Variants in RORA observed in about 807,000 individuals in gnomAD.
RORA encodes the protein nuclear receptor ROR-alpha.
In RORA, 7 loss-of-function variants were observed where a neutral mutation model predicts 69.5. The ratio of observed to expected loss-of-function variants is 0.10; its 90% confidence interval spans 0.06 to 0.19. The LOEUF (loss-of-function observed/expected upper bound fraction) is 0.19, where lower values mean the gene tolerates loss of function less well. RORA is among the 10% of genes least tolerant of loss of function. RORA has a pLI of 1.00. For missense variants in RORA, 457 were observed against 663.0 expected (o/e 0.69, Z 3.41); for synonymous variants, 261 against 240.8 (o/e 1.08, Z -0.78).
intron 1 of RORA, among the ~76,000 whole-genome samples, chr15:60,815,767 C>T (rs2072801267): frequency 6.6e-6 from 1 of 151,506 alleles, no homozygotes; most frequent in Non-Finnish European, 1.5e-5. Flanking sequence ...ATGCCCCCTC[C>T]CTTGCACTCT....
chr15:61,102,973 C>T (rs971353205), intron 1 of RORA, among the ~76,000 whole-genome samples: 2 of 152,180 alleles, frequency 1.3e-5, no homozygotes, highest in Non-Finnish European at 2.9e-5. Flanking sequence ...TTTGAATGCC[C>T]AGTGAGGTTA....
intron 1 of RORA, among the ~76,000 whole-genome samples, chr15:61,030,640 T>C (rs1033731516): frequency 4.6e-5 from 7 of 152,130 alleles, no homozygotes; most frequent in Non-Finnish European, 1.0e-4. Flanking sequence ...AATTAGAAGA[T>C]TGCCAAGCAT....
At chr15:61,059,343 T>C (rs1275396333) in intron 1 of RORA, among the ~76,000 whole-genome samples, 1 of 152,238 alleles carries the variant, frequency 6.6e-6, no homozygotes, top group African/African-American at 2.4e-5. Flanking sequence ...GGGCCATGTG[T>C]AGATGATCTC....
intron 1 of RORA, among the ~76,000 whole-genome samples, chr15:60,770,027 A>T (rs1271622071): frequency 6.6e-6 from 1 of 152,192 alleles, no homozygotes; most frequent in Non-Finnish European, 1.5e-5. Context: ...TGCAGCCAAG[A>T]TGCTGACACA....
chr15:60,909,863 A>C (rs867959918), intron 1 of RORA, among the ~76,000 whole-genome samples: 1 of 152,020 alleles, frequency 6.6e-6, no homozygotes, highest in Admixed American at 6.5e-5. Context: ...ATGTATTATT[A>C]TTTTTTTTCC....
At chr15:61,180,910 T>C (rs1425985278) in intron 1 of RORA, among the ~76,000 whole-genome samples, 1 of 152,010 alleles carries the variant, frequency 6.6e-6, no homozygotes, top group East Asian at 1.9e-4. Flanking sequence ...TTGAGACCAG[T>C]CTGGCCAATA....
At chr15:61,106,384 A>T (rs971587393) in intron 1 of RORA, among the ~76,000 whole-genome samples, 1 of 152,204 alleles carries the variant, frequency 6.6e-6, no homozygotes, top group African/African-American at 2.4e-5. Context: ...AAAGCAATCA[A>T]AATAATTACT....
At chr15:61,063,339 C>A (rs2078212975) in intron 1 of RORA, among the ~76,000 whole-genome samples, 1 of 152,236 alleles carries the variant, frequency 6.6e-6, no homozygotes. Flanking sequence ...ACAGAAGCCA[C>A]TGCCCAGTGA....
At chr15:60,529,673 A>C (rs922276728) in intron 3 of RORA, 4 of 152,194 alleles carry the variant, frequency 2.6e-5, no homozygotes, top group Non-Finnish European at 4.4e-5. Context: ...TTGTTTTCTT[A>C]TCGCTTTTAT....
At chr15:60,524,424 T>C (rs887369182) in intron 3 of RORA, among the ~76,000 whole-genome samples, 15 of 152,192 alleles carry the variant, frequency 9.9e-5, no homozygotes, top group African/African-American at 2.7e-4. Context: ...CTCAAAGTCA[T>C]AGAATGACCA....
At chr15:61,098,972 C>T (rs919057655) in intron 1 of RORA, among the ~76,000 whole-genome samples, 6 of 152,154 alleles carry the variant, frequency 3.9e-5, no homozygotes, top group Admixed American at 6.5e-5. Flanking sequence ...GCAACGTACG[C>T]TTCAGTGAAA....
At chr15:60,688,316 G>C (rs1357895593) in intron 1 of RORA, among the ~76,000 whole-genome samples, 1 of 151,938 alleles carries the variant, frequency 6.6e-6, no homozygotes, top group Non-Finnish European at 1.5e-5. Context: ...TAATGAGAGT[G>C]ATTATGTTTG....
intron 1 of RORA, among the ~76,000 whole-genome samples, chr15:61,203,618 G>A (rs572311641): frequency 8.5e-5 from 13 of 152,198 alleles, no homozygotes; most frequent in African/African-American, 3.1e-4. Context: ...TCCAACAGAA[G>A]CTTCAGAAAA....
intron 1 of RORA, among the ~76,000 whole-genome samples, chr15:61,217,932 G>A (rs1341597430): frequency 6.6e-6 from 1 of 152,014 alleles, no homozygotes; most frequent in Non-Finnish European, 1.5e-5. Flanking sequence ...AAGTCATAAT[G>A]AGTAACACCT....
chr15:60,562,600 TA>T lies in RORA; in HGVS notation c.197-30750del, dbSNP rs1156920017. 6.3e-5 allele frequency among the ~76,000 whole-genome samples: 9 copies of T among 142,852 alleles called. No individual in the cohort carries two copies. In the East Asian group the frequency reaches 1.8e-3, roughly 28 times the overall value. The allele number at this position is 142,852 out of a possible 152,430, so 93.7% of individuals were successfully genotyped here. A position where few individuals can be genotyped will look rare whatever the true frequency, so the allele number is the denominator to read the frequency against. On this transcript the variant is annotated intron_variant, in intron 2 of 10. Transcript: ENST00000335670. The stretch of plus-strand genomic sequence containing the variant: ...ATAGGCCCGTGCTACCACGCCCAGC[TA>T]ACTTTCTGTATTTTTTTTTTTTTTT...
chr15:60,635,188 T>C (rs1421599006), intron 2 of RORA, among the ~76,000 whole-genome samples: 1 of 152,218 alleles, frequency 6.6e-6, no homozygotes, highest in Non-Finnish European at 1.5e-5. Context: ...CAAATTGCAA[T>C]TTAAGGATAG....
At chr15:61,052,439 C>T (rs1042684865) in intron 1 of RORA, among the ~76,000 whole-genome samples, 4 of 152,186 alleles carry the variant, frequency 2.6e-5, no homozygotes, top group Non-Finnish European at 5.9e-5. Context: ...ACACTGCTTT[C>T]GCGTAGTGGT....
At chr15:60,770,393 GT>G in intron 1 of RORA, among the ~76,000 whole-genome samples, 1 of 152,120 alleles carries the variant, frequency 6.6e-6, no homozygotes, top group Non-Finnish European at 1.5e-5. Context: ...AAGAAATTAT[GT>G]TTTCAAAGCC....
chr15:61,215,642 G>A (rs1297377806), intron 1 of RORA, among the ~76,000 whole-genome samples: 1 of 152,188 alleles, frequency 6.6e-6, no homozygotes, highest in Non-Finnish European at 1.5e-5. Context: ...CAATATGTAT[G>A]TGTGCATGTG....
Sources: allele counts gnomAD v4.1 joint callset (sites outside exome capture counted in the v4.1 genomes callset), GRCh38; gene constraint gnomAD v4.1.1; transcripts MANE v1.5; gene names NCBI Gene and HGNC (gene_info 2026-07-23, HGNC 2026-07-21).